The following NKAIN2 variants were observed in gnomAD, a reference collection of about 807,000 sequenced individuals.
NKAIN2 encodes the protein sodium/potassium transporting ATPase interacting 2.
In NKAIN2, 14 loss-of-function variants were observed where a neutral mutation model predicts 32.6. The ratio of observed to expected loss-of-function variants is 0.43; its 90% CI spans 0.28 to 0.67. The LOEUF is 0.67. Among genes scored for constraint, NKAIN2 ranks in the 30% least tolerant of loss-of-function variants. The pLI, the probability that NKAIN2 is intolerant of heterozygous loss-of-function variation, is 0.17. For missense variants in NKAIN2, 198 were observed against 258.3 expected (o/e 0.77, Z 1.60); for synonymous variants, 80 against 87.2 (o/e 0.92, Z 0.46).
intron 3 of NKAIN2, among the ~76,000 whole-genome samples, chr6:124,391,227 A>T (rs1042102629): frequency 1.3e-5 from 2 of 152,142 alleles, no homozygotes; most frequent in Non-Finnish European, 2.9e-5. Context: ...GTACAAGTCT[A>T]CAGTGAAGAA....
chr6:124,483,645 A>C (rs1164516169), intron 3 of NKAIN2, among the ~76,000 whole-genome samples: 1 of 152,150 alleles, frequency 6.6e-6, no homozygotes, highest in Non-Finnish European at 1.5e-5. Flanking sequence ...CTATTAATAC[A>C]AATATGGACT....
intron 1 of NKAIN2, among the ~76,000 whole-genome samples, chr6:124,220,520 T>C (rs1275545221): frequency 8.8e-6 from 1 of 113,642 alleles, no homozygotes; most frequent in Non-Finnish European, 1.9e-5. Flanking sequence ...AGTATTGTGA[T>C]GAATAAACAT....
At chr6:124,532,833 C>A (rs1251143605) in intron 3 of NKAIN2, among the ~76,000 whole-genome samples, 1 of 152,184 alleles carries the variant, frequency 6.6e-6, no homozygotes, top group Non-Finnish European at 1.5e-5. Context: ...GGGGGAAATC[C>A]TCTGATGCTG....
At chr6:124,792,680 G>C (rs1779799927) in intron 5 of NKAIN2, among the ~76,000 whole-genome samples, 1 of 152,138 alleles carries the variant, frequency 6.6e-6, no homozygotes, top group Non-Finnish European at 1.5e-5. Context: ...TTTTGAGCTT[G>C]ATCTAGAAAG....
intron 4 of NKAIN2, among the ~76,000 whole-genome samples, chr6:124,718,895 T>A (rs1036572638): frequency 2.6e-5 from 4 of 151,896 alleles, no homozygotes; most frequent in Admixed American, 1.3e-4. Flanking sequence ...AAAATCCAGG[T>A]AAAATTTGAG....
intron 1 of NKAIN2, among the ~76,000 whole-genome samples, chr6:123,827,391 T>A (rs1774192090): frequency 6.6e-6 from 1 of 152,154 alleles, no homozygotes; most frequent in South Asian, 2.1e-4. Flanking sequence ...TTTTATTTAT[T>A]TGCTTAATTT....
chr6:124,685,225 T>C (rs1294384255), intron 4 of NKAIN2, among the ~76,000 whole-genome samples: 3 of 152,200 alleles, frequency 2.0e-5, no homozygotes, highest in Non-Finnish European at 4.4e-5. Context: ...GGAAGGTCAC[T>C]ATAGAAAATG....
At chr6:124,455,169 T>C (rs762507480) in intron 3 of NKAIN2, among the ~76,000 whole-genome samples, 1 of 152,170 alleles carries the variant, frequency 6.6e-6, no homozygotes, top group South Asian at 2.1e-4. Flanking sequence ...AATATTCAGG[T>C]TAGAAATCAT....
At chr6:123,961,930 T>C (rs1355045142) in intron 1 of NKAIN2, among the ~76,000 whole-genome samples, 1 of 152,158 alleles carries the variant, frequency 6.6e-6, no homozygotes, top group Non-Finnish European at 1.5e-5. Flanking sequence ...TAGGTCTTTA[T>C]TGAAATTACT....
intron 4 of NKAIN2, among the ~76,000 whole-genome samples, chr6:124,708,387 T>C (rs1168563583): frequency 6.6e-6 from 1 of 151,756 alleles, no homozygotes. Context: ...AGAAAGTCAT[T>C]GGTAGCTTGA....
chr6:124,248,768 G>C (rs1381258468), intron 1 of NKAIN2, among the ~76,000 whole-genome samples: 1 of 152,084 alleles, frequency 6.6e-6, no homozygotes, highest in East Asian at 1.9e-4. Flanking sequence ...GTTATACAAG[G>C]CATGCTTCTT....
At chr6:124,468,644 A>T (rs1776854736) in intron 3 of NKAIN2, among the ~76,000 whole-genome samples, 2 of 152,190 alleles carry the variant, frequency 1.3e-5, no homozygotes. Context: ...AATTGAAAGA[A>T]AAGAAAAAAT....
chr6:124,719,357 G>A (rs1775908171), intron 4 of NKAIN2, among the ~76,000 whole-genome samples: 1 of 151,952 alleles, frequency 6.6e-6, no homozygotes, highest in Admixed American at 6.6e-5. Context: ...GGGGGCAAAT[G>A]TTTAGCAACA....
At chr6:123,957,491 G>T (rs2114602651) in intron 1 of NKAIN2, among the ~76,000 whole-genome samples, 1 of 152,140 alleles carries the variant, frequency 6.6e-6, no homozygotes, top group Non-Finnish European at 1.5e-5. Flanking sequence ...AATATATAGG[G>T]TATTTTCAAT....
At chr6:124,410,855 G>T (rs1335598825) in intron 3 of NKAIN2, among the ~76,000 whole-genome samples, 1 of 151,680 alleles carries the variant, frequency 6.6e-6, no homozygotes, top group Non-Finnish European at 1.5e-5. Flanking sequence ...CTCGGGGCTT[G>T]CTTTATGTGC....
intron 1 of NKAIN2, among the ~76,000 whole-genome samples, chr6:123,874,268 G>A (rs1311543654): frequency 6.6e-6 from 1 of 152,144 alleles, no homozygotes; most frequent in Non-Finnish European, 1.5e-5. Flanking sequence ...ATTCTGGTTT[G>A]TGACACCATT....
chr6:124,364,521 A>G (rs868202303), intron 3 of NKAIN2, among the ~76,000 whole-genome samples: 12 of 152,042 alleles, frequency 7.9e-5, no homozygotes, highest in African/African-American at 2.9e-4. Context: ...GGTGCCAAAG[A>G]TAAAAGACCC....
chr6:123,922,813 G>A (rs1775816637), intron 1 of NKAIN2, among the ~76,000 whole-genome samples: 1 of 152,012 alleles, frequency 6.6e-6, no homozygotes, highest in African/African-American at 2.4e-5. Context: ...TAATGAATTG[G>A]CCTCTTCTTA....
At chr6:124,243,648 T>C (rs2114782959) in intron 1 of NKAIN2, among the ~76,000 whole-genome samples, 1 of 152,222 alleles carries the variant, frequency 6.6e-6, no homozygotes, top group East Asian at 1.9e-4. Flanking sequence ...GTACCTATGG[T>C]TTTGTAGTAA....
Sources: allele counts gnomAD v4.1 joint callset (sites outside exome capture counted in the v4.1 genomes callset), GRCh38; gene constraint gnomAD v4.1.1; transcripts MANE v1.5; gene names NCBI Gene and HGNC (gene_info 2026-07-23, HGNC 2026-07-21).